CHST8: variants seen among roughly 807,000 people sequenced by gnomAD.
CHST8 encodes the protein carbohydrate sulfotransferase 8.
A neutral mutation model predicts 15.0 loss-of-function variants in CHST8; 10 were observed. The observed-to-expected ratio is 0.67, with a 90% CI of 0.41 to 1.13. CHST8 has a LOEUF of 1.13. Among genes scored for constraint, CHST8 ranks in the 50% most tolerant of loss-of-function variants. The pLI is 0.00. For synonymous variants in CHST8, 259 were observed against 256.6 expected (o/e 1.01, Z -0.09); for missense variants, 634 against 608.2 (o/e 1.04, Z -0.45).
intron 2 of CHST8, among the ~76,000 whole-genome samples, chr19:33,672,945 A>G (rs754989989): frequency 1.3e-5 from 2 of 152,126 alleles, no homozygotes; most frequent in African/African-American, 4.8e-5. Flanking sequence ...TTGAGGATGG[A>G]CCCAGGCAGG....
rs1420825156 is a variant in CHST8, at chr19:33,757,405, A to G, written c.131-14008A>G. Among the ~76,000 whole-genome samples, 2 of 5,390 alleles carry G rather than the reference A, an allele frequency of 3.7e-4. 1 individual carries two copies. Among genetic ancestry groups the G allele is most frequent in the Non-Finnish European group, 9.0e-4 (2 of 2,216 alleles). The allele number at this position is 5,390 out of a possible 152,430, so 3.5% of individuals were successfully genotyped here. A position where few individuals can be genotyped will look rare whatever the true frequency, so the allele number is the denominator to read the frequency against. ...AAAAAAAGAAGAAAGAAAGAAAGAA[A>G]GAAAGAAAGAAAGAAAGAAAGAAAG... On this transcript the variant is annotated intron_variant, in intron 3 of 4. Transcript: ENST00000650847.
Position 33,772,977 on chromosome 19 carries a change from GC to G in CHST8, c.1192del (p.Leu398CysfsTer15). 1 of 1,613,558 alleles carries G rather than the reference GC, an allele frequency of 6.2e-7. No individual in the cohort carries two copies. The highest frequency in any genetic ancestry group is 1.1e-5 in the South Asian group (1 of 91,088). ...IAHQYFAQLS[A>X]LQRQRTYDFY... Reference sequence around the variant, plus strand: ...CCACCAGTACTTCGCCCAACTCTCGGCCCTGCAAAGGCAGCGCACCTACGAC... The same window carrying G: ...CCACCAGTACTTCGCCCAACTCTCGGCCTGCAAAGGCAGCGCACCTACGAC... On this transcript the variant is annotated frameshift_variant, in exon 5 of 5. Coordinates refer to ENST00000650847, the MANE Select transcript of CHST8 (RefSeq NM_001127895.2). LOFTEE classifies it high-confidence loss of function.
At chr19:33,761,088 A>G (rs1251486695) in intron 3 of CHST8, among the ~76,000 whole-genome samples, 1 of 152,248 alleles carries the variant, frequency 6.6e-6, no homozygotes, top group Non-Finnish European at 1.5e-5. Flanking sequence ...CGTGGGAAGC[A>G]GAGACAGGGC....
At chr19:33,753,960 A>C (rs541438400) in intron 3 of CHST8, among the ~76,000 whole-genome samples, 1 of 1,098 alleles carries the variant, frequency 9.1e-4, no homozygotes, top group Non-Finnish European at 2.0e-3. Context: ...CACACCAACC[A>C]CCCACCATCC....
At chr19:33,702,021 C>T (rs1042886576) in intron 3 of CHST8, among the ~76,000 whole-genome samples, 2 of 152,178 alleles carry the variant, frequency 1.3e-5, no homozygotes, top group Admixed American at 6.5e-5. Flanking sequence ...TGGAATCTCG[C>T]TGTGTCACCC....
At chr19:33,692,406 A>C (rs1053822962) in intron 3 of CHST8, among the ~76,000 whole-genome samples, 2 of 152,160 alleles carry the variant, frequency 1.3e-5, no homozygotes, top group Non-Finnish European at 2.9e-5. Context: ...CAGGAATAAC[A>C]AACACCAATG....
rs563414917 is a variant in CHST8, at chr19:33,689,322, G to C, written c.61G>C (p.Gly21Arg). The part of the protein sequence containing the change: ...ACMFSSILLF[G>R]AAGLLLFISL... ...CATGTTCTCTTCCATCCTGCTGTTC[G>C]GAGCTGCAGGCCTCCTCCTCTTCAT... The change falls in exon 3 of 5, where the codon GGA (glycine) becomes CGA (arginine). Residue 21 changes from glycine to arginine, a missense_variant. By Grantham distance (125) the Gly-to-Arg change is moderately radical. Transcript: ENST00000650847. 1.2e-6 allele frequency: 2 copies of C among 1,609,442 alleles called. No homozygotes were observed. The highest frequency in any genetic ancestry group is 1.7e-6 in the Non-Finnish European group (2 of 1,178,682).
At chr19:33,681,450 CCTTCCTAGAGTGTA>C in intron 2 of CHST8, among the ~76,000 whole-genome samples, 1 of 152,164 alleles carries the variant, frequency 6.6e-6, no homozygotes, top group Admixed American at 6.5e-5. Flanking sequence ...GATAACTGTT[CCTTCCTAGAGTGTA>C]GAACTCTGGG....
At chr19:33,748,104 C>T (rs968515516) in intron 3 of CHST8, among the ~76,000 whole-genome samples, 1 of 152,150 alleles carries the variant, frequency 6.6e-6, no homozygotes, top group Non-Finnish European at 1.5e-5. Flanking sequence ...AGGGGAATGC[C>T]GCCTGCCACT....
chr19:33,751,148 T>A (rs553336663), intron 3 of CHST8, among the ~76,000 whole-genome samples: 1 of 152,258 alleles, frequency 6.6e-6, no homozygotes, highest in South Asian at 2.1e-4. Context: ...TCCCAGCAGA[T>A]GTTGGGGATG....
intron 3 of CHST8, among the ~76,000 whole-genome samples, chr19:33,761,060 C>G (rs1371441707): frequency 6.6e-6 from 1 of 152,218 alleles, no homozygotes; most frequent in Non-Finnish European, 1.5e-5. Context: ...GCCAGTTGGT[C>G]TTGCTGTCAA....
chr19:33,757,454 GAAA>G lies in CHST8; in HGVS notation c.131-13958_131-13956del, dbSNP rs1974586754. ...AGAAAGAAAGAAAGAAAGAAAGAAA[GAAA>G]GAAAGAAAGAAAGAAAGAAAGAAAG... is the stretch of plus-strand genomic sequence containing the variant. On this transcript the variant is annotated intron_variant, in intron 3 of 4. Transcript: ENST00000650847. Among the ~76,000 whole-genome samples the G allele has an allele frequency of 1.4e-4, 5 of 34,524 alleles. 1 individual carries two copies. The highest frequency in any genetic ancestry group is 3.6e-4 in the African/African-American group (3 of 8,330). The allele number at this position is 34,524 out of a possible 152,430, so 22.6% of individuals were successfully genotyped here.
intron 2 of CHST8, among the ~76,000 whole-genome samples, chr19:33,671,845 C>G (rs959884407): frequency 6.6e-6 from 1 of 151,728 alleles, no homozygotes; most frequent in Non-Finnish European, 1.5e-5. Context: ...ATCCCAGTTG[C>G]CTAGAATAGT....
intron 3 of CHST8, among the ~76,000 whole-genome samples, chr19:33,690,071 A>G (rs1163295828): frequency 6.6e-6 from 1 of 152,052 alleles, no homozygotes; most frequent in Non-Finnish European, 1.5e-5. Flanking sequence ...ATCCCCAGAG[A>G]TATGGAAGGA....
At chr19:33,742,087 A>C (rs1358752002) in intron 3 of CHST8, among the ~76,000 whole-genome samples, 1 of 152,176 alleles carries the variant, frequency 6.6e-6, no homozygotes, top group Admixed American at 6.5e-5. Flanking sequence ...GAAATGTCTG[A>C]GTGTTCTCCT....
At chr19:33,649,196 G>A (rs1030787851) in intron 1 of CHST8, among the ~76,000 whole-genome samples, 3 of 152,082 alleles carry the variant, frequency 2.0e-5, no homozygotes, top group Admixed American at 2.0e-4. Context: ...GAGCCACTGT[G>A]CCCGGCCTGT....
chr19:33,632,835 C>A (rs1182923543), intron 1 of CHST8, among the ~76,000 whole-genome samples: 1 of 152,070 alleles, frequency 6.6e-6, no homozygotes, highest in Non-Finnish European at 1.5e-5. Flanking sequence ...GTGGTGCAAT[C>A]TCGGCTCACT....
intron 2 of CHST8, among the ~76,000 whole-genome samples, chr19:33,676,453 C>A (rs543656115): frequency 6.6e-6 from 1 of 152,184 alleles, no homozygotes; most frequent in South Asian, 2.1e-4. Context: ...GCCTGTAGTC[C>A]CAGCTACTCA....
chr19:33,757,357 GCAACAGAGTGAGACGCGGTCT>G (rs941216628), intron 3 of CHST8, among the ~76,000 whole-genome samples: 1 of 146,574 alleles, frequency 6.8e-6, no homozygotes, highest in African/African-American at 2.6e-5. Flanking sequence ...TCCAGCCTGG[GCAACAGAGTGAGACGCGGTCT>G]CAAAAAAAGA....
Sources: allele counts gnomAD v4.1 joint callset (sites outside exome capture counted in the v4.1 genomes callset), GRCh38; gene constraint gnomAD v4.1.1; transcripts MANE v1.5; gene names NCBI Gene and HGNC (gene_info 2026-07-23, HGNC 2026-07-21).